The following RB1CC1 variants were observed in gnomAD, a reference collection of about 807,000 sequenced individuals.
The protein encoded by RB1CC1 is RB1 inducible coiled-coil 1, also known as RB1-inducible coiled-coil protein 1.
In RB1CC1, 46 loss-of-function variants were observed where a neutral mutation model predicts 177.5. That is an observed-to-expected ratio of 0.26 (90% confidence interval 0.20 to 0.33). The LOEUF (loss-of-function observed/expected upper bound fraction) is 0.33. RB1CC1 is among the 10% of genes least tolerant of loss of function. RB1CC1 has a pLI of 1.00. For synonymous variants in RB1CC1, 666 were observed against 613.6 expected, an observed-to-expected ratio of 1.09 and a Z score of -1.26; for missense variants, 1,703 against 1,816.3, an observed-to-expected ratio of 0.94 and a Z score of 1.13.
chr8:52,624,668 A>C, intron 23 of RB1CC1, 49 bp downstream of exon 23: 2 of 1,422,084 alleles, frequency 1.4e-6, no homozygotes, highest in South Asian at 2.3e-5. Context: ...GCAGTATTAA[A>C]ATCTTCTTTA....
chr8:52,705,114 T>A (rs1856435883), intron 1 of RB1CC1, among the ~76,000 whole-genome samples: 1 of 152,158 alleles, frequency 6.6e-6, no homozygotes, highest in African/African-American at 2.4e-5. Context: ...ACAGAACAAC[T>A]GTCAAAACAT....
In RB1CC1 at chr8:52,698,669, G is replaced by GTTTTTTTTTTTTTT. The variant is rs1855693493; in HGVS notation, c.-166-11703_-166-11702insAAAAAAAAAAAAAA. Among the ~76,000 whole-genome samples the GTTTTTTTTTTTTTT allele has an allele frequency of 5.7e-4, 13 of 22,770 alleles. 6 individuals are homozygous for GTTTTTTTTTTTTTT. The highest frequency in any genetic ancestry group is 8.2e-4 in the African/African-American group (6 of 7,330). The allele number at this position is 22,770 out of a possible 152,430, so 14.9% of individuals were successfully genotyped here. ...AACAAAAACTGTATATGTAATGGTT[G>GTTTTTTTTTTTTTT]GTTTTTTTTTTTTTTTTTTTTTTTT... On this transcript the variant is annotated intron_variant, in intron 1 of 23. Transcript: ENST00000025008.
chr8:52,671,053 T>C (rs1314112342), intron 7 of RB1CC1, among the ~76,000 whole-genome samples: 1 of 151,942 alleles, frequency 6.6e-6, no homozygotes, highest in Non-Finnish European at 1.5e-5. Flanking sequence ...TTCTGACAGA[T>C]AAAATGGGGG....
At chr8:52,645,618 C>T (rs1221176688) in intron 16 of RB1CC1, 84 bp downstream of exon 16, 2 of 1,366,132 alleles carry the variant, frequency 1.5e-6, no homozygotes, top group Non-Finnish European at 2.0e-6. Context: ...TATAAGAAAC[C>T]CTCAGCTACA....
chr8:52,682,610 C>T (rs1853862172), intron 5 of RB1CC1, among the ~76,000 whole-genome samples: 3 of 152,098 alleles, frequency 2.0e-5, no homozygotes, highest in South Asian at 4.2e-4. Context: ...TTTCTAATCA[C>T]TTGAAAATTA....
intron 1 of RB1CC1, among the ~76,000 whole-genome samples, chr8:52,699,427 C>G (rs113676250): frequency 1.7e-4 from 26 of 152,116 alleles, no homozygotes; most frequent in East Asian, 7.8e-4. Flanking sequence ...TTGGCCATGA[C>G]GTGATGATAA....
rs780146227 is a variant in RB1CC1, at chr8:52,642,473, T to C, written c.4215A>G (p.Thr1405=). The C allele has an allele frequency of 2.5e-6, 4 of 1,614,148 alleles. No homozygotes were observed. The highest frequency in any genetic ancestry group is 3.4e-6 in the Non-Finnish European group (4 of 1,180,002). The change falls in exon 18 of 24, where the codon ACA becomes ACG. Residue 1405 remains threonine, a synonymous_variant. Coordinates refer to ENST00000025008, the MANE Select transcript of RB1CC1 (RefSeq NM_014781.5). ...SSFVPSPYVA[T]APELYGACAP... is the part of the protein sequence containing the mutation. Reference sequence around the variant, plus strand: ...CACAAGCTCCATAAAGTTCTGGGGCTGTAGCTACATATGGTGAAGGAACAA... The same window carrying C: ...CACAAGCTCCATAAAGTTCTGGGGCCGTAGCTACATATGGTGAAGGAACAA...
At position 52,694,730 on chromosome 8, in the gene RB1CC1, T is replaced by C. The variant is rs554881851; in HGVS notation, c.-166-7763A>G. Reference sequence around the variant, plus strand: ...CATCATATGGAAGTGACAGCAACAATACAAAGAAGTCCTGCCCAGAGACAA... The same window carrying C: ...CATCATATGGAAGTGACAGCAACAACACAAAGAAGTCCTGCCCAGAGACAA... On this transcript the variant is annotated intron_variant, in intron 1 of 23. Transcript: ENST00000025008. Among the ~76,000 whole-genome samples, 69 of 152,218 alleles carry C rather than the reference T, an allele frequency of 4.5e-4. 1 individual carries two copies. The South Asian group carries it at 0.014, about 31-fold the overall frequency.
chr8:52,682,685 T>C (rs1191336121), intron 5 of RB1CC1, among the ~76,000 whole-genome samples: 1 of 152,110 alleles, frequency 6.6e-6, no homozygotes, highest in South Asian at 2.1e-4. Context: ...ATGTAGTATG[T>C]ACACTTTTCA....
intron 8 of RB1CC1, among the ~76,000 whole-genome samples, chr8:52,664,654 G>A (rs1488163835): frequency 5.9e-5 from 9 of 152,074 alleles, no homozygotes; most frequent in Non-Finnish European, 1.2e-4. Flanking sequence ...AATTTTCACT[G>A]AATTTTACTT....
intron 8 of RB1CC1, among the ~76,000 whole-genome samples, chr8:52,662,367 A>C (rs1851706982): frequency 6.6e-6 from 1 of 152,112 alleles, no homozygotes; most frequent in East Asian, 1.9e-4. Flanking sequence ...GTATCTGTCA[A>C]GTAGGGATTA....
intron 5 of RB1CC1, among the ~76,000 whole-genome samples, chr8:52,678,688 GAAGAT>G (rs778324206): frequency 6.6e-6 from 1 of 152,068 alleles, no homozygotes; most frequent in African/African-American, 2.4e-5. Flanking sequence ...TTCTGTTTTA[GAAGAT>G]AATATTGTTA....
rs535240614 is a variant in RB1CC1, at chr8:52,676,780, G to C, written c.370-209C>G. Among the ~76,000 whole-genome samples the C allele has an allele frequency of 2.2e-3, 331 of 152,304 alleles. 2 individuals are homozygous for C. The highest frequency in any genetic ancestry group is 7.7e-3 in the African/African-American group (320 of 41,564). ...GTGTTTCCGAGCAGGTATCCTAAGA[G>C]ACAGTCAAAAGAAGAATCCATAAGA... On this transcript the variant is annotated intron_variant, in intron 5 of 23. Transcript: ENST00000025008.
intron 20 of RB1CC1, among the ~76,000 whole-genome samples, chr8:52,631,799 AC>A (rs1002615079): frequency 6.6e-6 from 1 of 152,102 alleles, no homozygotes; most frequent in Non-Finnish European, 1.5e-5. Flanking sequence ...CTCTAATAAA[AC>A]TTTCCTTTTT....
intron 15 of RB1CC1, among the ~76,000 whole-genome samples, chr8:52,649,126 G>C (rs1001425007): frequency 1.3e-5 from 2 of 152,128 alleles, no homozygotes; most frequent in African/African-American, 4.8e-5. Flanking sequence ...CACATAAAAC[G>C]AAACTAGACA....
intron 1 of RB1CC1, among the ~76,000 whole-genome samples, chr8:52,710,004 A>T (rs1471260189): frequency 1.3e-5 from 2 of 152,206 alleles, no homozygotes; most frequent in Non-Finnish European, 2.9e-5. Context: ...GATGATTGGA[A>T]ATAATTTTGC....
At chr8:52,665,639 T>C (rs989249415) in intron 8 of RB1CC1, among the ~76,000 whole-genome samples, 1 of 152,160 alleles carries the variant, frequency 6.6e-6, no homozygotes, top group Non-Finnish European at 1.5e-5. Context: ...AAGCAAAAGA[T>C]CAGGAATGCA....
intron 20 of RB1CC1, among the ~76,000 whole-genome samples, chr8:52,631,233 C>T (rs183308276): frequency 9.2e-5 from 14 of 152,156 alleles, no homozygotes; most frequent in African/African-American, 2.9e-4. Flanking sequence ...GTTGTCCCAA[C>T]GAACAACAAC....
chr8:52,684,899 G>A (rs865853129), intron 3 of RB1CC1, among the ~76,000 whole-genome samples: 29 of 151,742 alleles, frequency 1.9e-4, no homozygotes, highest in Middle Eastern at 6.9e-3. Flanking sequence ...ATGCCAACAG[G>A]ACAAAGCACA....
Sources: gnomAD v4.1 joint callset for allele counts (sites outside exome capture counted in the v4.1 genomes callset) on GRCh38, gnomAD v4.1.1 for gene constraint, MANE v1.5 for transcripts, NCBI Gene and HGNC (gene_info 2026-07-23, HGNC 2026-07-21) for gene names.